Variants in ZDHHC14 observed in about 807,000 individuals in gnomAD.
The protein encoded by ZDHHC14 is palmitoyltransferase ZDHHC14.
In ZDHHC14, 16 loss-of-function variants were observed where a neutral mutation model predicts 47.7. The ratio of observed to expected loss-of-function variants is 0.34; its 90% CI spans 0.23 to 0.51. ZDHHC14 has a LOEUF of 0.51. Ranked by LOEUF, ZDHHC14 falls within the 20% of genes least tolerant of loss-of-function variation. The pLI is 0.97. For synonymous variants in ZDHHC14, 293 were observed against 278.9 expected (o/e 1.05, Z -0.50); for missense variants, 515 against 662.5 (o/e 0.78, Z 2.44).
chr6:157,665,030 A>C (rs1006286171), intron 8 of ZDHHC14, among the ~76,000 whole-genome samples: 1 of 152,130 alleles, frequency 6.6e-6, no homozygotes, highest in Non-Finnish European at 1.5e-5. Context: ...AGCTCTGTGC[A>C]ATGGTTGGGG....
chr6:157,603,555 T>C (rs928442446), intron 3 of ZDHHC14, among the ~76,000 whole-genome samples: 1 of 152,006 alleles, frequency 6.6e-6, no homozygotes, highest in African/African-American at 2.4e-5. Context: ...GGCATCCGAG[T>C]ATAAAGTGAG....
chr6:157,514,558 A>G (rs892034092), intron 1 of ZDHHC14, among the ~76,000 whole-genome samples: 8 of 152,350 alleles, frequency 5.3e-5, no homozygotes, highest in South Asian at 2.1e-4. Flanking sequence ...GGAATCCCCA[A>G]TCTAGTACTT....
intron 1 of ZDHHC14, among the ~76,000 whole-genome samples, chr6:157,411,699 A>C (rs1777872958): frequency 6.6e-6 from 1 of 151,738 alleles, no homozygotes; most frequent in African/African-American, 2.4e-5. Flanking sequence ...GTGAGTCTAT[A>C]ATTATTTCAA....
intron 1 of ZDHHC14, among the ~76,000 whole-genome samples, chr6:157,484,276 TACG>T (rs1336326534): frequency 4.8e-4 from 65 of 135,102 alleles, no homozygotes; most frequent in Non-Finnish European, 9.3e-4. Context: ...TATGTATATA[TACG>T]TATATATATA....
intron 3 of ZDHHC14, among the ~76,000 whole-genome samples, chr6:157,598,735 A>G (rs1212586463): frequency 7.2e-5 from 11 of 152,260 alleles, no homozygotes; most frequent in African/African-American, 2.4e-4. Flanking sequence ...TCAGGTCAAC[A>G]AACTGTAAGT....
chr6:157,468,614 C>T (rs189991799), intron 1 of ZDHHC14, among the ~76,000 whole-genome samples: 1 of 152,286 alleles, frequency 6.6e-6, no homozygotes, highest in African/African-American at 2.4e-5. Flanking sequence ...GAATGATTGT[C>T]CAAGTTTATG....
chr6:157,625,711 A>G (rs113128250), intron 3 of ZDHHC14, among the ~76,000 whole-genome samples: 10,666 of 151,904 alleles, frequency 0.07, 1,140 homozygotes, highest in African/African-American at 0.23. Flanking sequence ...CAGACTCATT[A>G]CCACCATAAA....
At chr6:157,583,609 A>C (rs1305363411) in intron 2 of ZDHHC14, among the ~76,000 whole-genome samples, 1 of 152,088 alleles carries the variant, frequency 6.6e-6, no homozygotes. Flanking sequence ...CGTAAGGGCC[A>C]GCAGGTAGGC....
intron 1 of ZDHHC14, among the ~76,000 whole-genome samples, chr6:157,525,992 T>C (rs984309221): frequency 6.6e-6 from 1 of 152,224 alleles, no homozygotes; most frequent in Non-Finnish European, 1.5e-5. Context: ...GCCAAACTTC[T>C]TCCTACTCCA....
intron 1 of ZDHHC14, among the ~76,000 whole-genome samples, chr6:157,496,375 C>G (rs950819929): frequency 2.6e-5 from 4 of 152,036 alleles, no homozygotes; most frequent in East Asian, 1.9e-4. Context: ...GAAGTTAACC[C>G]CCCCCATGCT....
chr6:157,548,613 A>C (rs944720879), intron 2 of ZDHHC14, among the ~76,000 whole-genome samples: 4 of 152,022 alleles, frequency 2.6e-5, no homozygotes, highest in African/African-American at 9.7e-5. Context: ...TTCCCGGCTA[A>C]TTTTGTATTT....
At chr6:157,571,280 A>C (rs559726635) in intron 2 of ZDHHC14, among the ~76,000 whole-genome samples, 61 of 152,018 alleles carry the variant, frequency 4.0e-4, no homozygotes, top group Non-Finnish European at 5.1e-4. Flanking sequence ...ATCAGCATGC[A>C]CTCTAGACCA....
At chr6:157,465,950 G>C (rs1284879818) in intron 1 of ZDHHC14, among the ~76,000 whole-genome samples, 1 of 152,034 alleles carries the variant, frequency 6.6e-6, no homozygotes, top group Non-Finnish European at 1.5e-5. Context: ...GCGGAGACAC[G>C]AAAATCACTT....
rs1434859260 is a variant in ZDHHC14 at position 157,502,951 on chromosome 6, A to T, written c.246-39634A>T. 6.6e-6 allele frequency among the ~76,000 whole-genome samples: 1 copy of T among 152,186 alleles called. No individual in the cohort carries two copies. Among genetic ancestry groups the T allele is most frequent in the Non-Finnish European group, 1.5e-5 (1 of 68,030 alleles). On this transcript the variant is annotated intron_variant, in intron 1 of 8. Transcript: ENST00000359775. The surrounding 1 kb of genome is among the most constrained non-coding windows in gnomAD (Gnocchi z 4.0). ...AGTGATCAACTTGCCTTGGCTTCCC[A>T]AAGTATTGGAATTACAGGCATGAGC... is the stretch of plus-strand genomic sequence containing the variant.
In ZDHHC14 at chr6:157,593,014, G is replaced by A; in HGVS notation, c.433G>A (p.Gly145Arg). 1 of 1,614,046 alleles carries A rather than the reference G, an allele frequency of 6.2e-7. No individual in the cohort carries two copies. ...TATCGCAAACGGCACCAGTTCAGGGGGGTACCGCCCGCCTCCCAGAACCAA... is the reference window on the plus strand; with the variant it reads ...TATCGCAAACGGCACCAGTTCAGGGAGGTACCGCCCGCCTCCCAGAACCAA... ...IDIANGTSSG[G>R]YRPPPRTKEV... The change falls in exon 3 of 9, where the codon GGG becomes AGG. Residue 145 changes from glycine (G) to arginine (R), a missense_variant. Around this residue, in one of 4 missense-constraint regions of ZDHHC14, gnomAD observed 229 missense variants for 351.5 expected, o/e 0.65. Transcript: ENST00000359775.
intron 5 of ZDHHC14, among the ~76,000 whole-genome samples, chr6:157,637,934 T>C (rs915735251): frequency 1.3e-5 from 2 of 152,156 alleles, no homozygotes; most frequent in Non-Finnish European, 2.9e-5. Context: ...GTGTCAATGA[T>C]GGAAACATTG....
At chr6:157,414,262 C>G (rs1341969474) in intron 1 of ZDHHC14, among the ~76,000 whole-genome samples, 6 of 152,188 alleles carry the variant, frequency 3.9e-5, no homozygotes, top group African/African-American at 1.2e-4. Flanking sequence ...CTGCCGCTGC[C>G]TCTGGCATGC....
chr6:157,453,788 T>TTTTTTTTTTTTTTTTGTGTGTG (rs3220439), intron 1 of ZDHHC14, among the ~76,000 whole-genome samples: 2 of 148,192 alleles, frequency 1.3e-5, no homozygotes, highest in African/African-American at 5.1e-5. Flanking sequence ...TTTTTGTGTT[T>TTTTTTTTTTTTTTTTGTGTGTG]TGTGTGTGTG....
intron 1 of ZDHHC14, among the ~76,000 whole-genome samples, chr6:157,466,046 A>G (rs184595081): frequency 1.3e-5 from 2 of 150,298 alleles, no homozygotes; most frequent in African/African-American, 2.4e-5. Context: ...TGTCTCAAAG[A>G]AAAAAAAAAG....
Sources: gnomAD v4.1 joint callset for allele counts (sites outside exome capture counted in the v4.1 genomes callset) on GRCh38, gnomAD v4.1.1 for gene constraint, gnomAD v4.1.1 regional missense constraint, Gnocchi (gnomAD v3.1) non-coding constraint, MANE v1.5 for transcripts, NCBI Gene and HGNC (gene_info 2026-07-23, HGNC 2026-07-21) for gene names.